PDE8A: variants seen among roughly 807,000 people sequenced by gnomAD.
PDE8A encodes the protein high affinity cAMP-specific and IBMX-insensitive 3',5'-cyclic phosphodiesterase 8A.
PDE8A carries 59 observed loss-of-function variants against 105.0 expected under a neutral mutation model. The observed-to-expected ratio is 0.56, with a 90% CI of 0.46 to 0.70. The LOEUF (loss-of-function observed/expected upper bound fraction) is 0.70, where lower values mean the gene tolerates loss of function less well. Among genes scored for constraint, PDE8A ranks in the 30% least tolerant of loss-of-function variants. The pLI is 0.00. For synonymous variants in PDE8A, 355 were observed against 371.9 expected, an observed-to-expected ratio of 0.95 and a Z score of 0.52; for missense variants, 1,014 against 1,045.9, an observed-to-expected ratio of 0.97 and a Z score of 0.42.
intron 1 of PDE8A, among the ~76,000 whole-genome samples, chr15:84,990,455 T>C (rs2079869703): frequency 2.6e-5 from 4 of 152,234 alleles, no homozygotes. Flanking sequence ...TTTTGCCTAT[T>C]CTAGATTTCA....
chr15:85,043,787 TC>T (rs944826573), intron 1 of PDE8A, among the ~76,000 whole-genome samples: 1 of 152,124 alleles, frequency 6.6e-6, no homozygotes, highest in African/African-American at 2.4e-5. Context: ...AACCTCTGCC[TC>T]CCGGGTTCAG....
chr15:85,116,693 C>CCAGGA (rs1246100695), intron 16 of PDE8A, among the ~76,000 whole-genome samples: 1 of 152,196 alleles, frequency 6.6e-6, no homozygotes, highest in Admixed American at 6.5e-5. Context: ...CTGATTCCAG[C>CCAGGA]CAGGACTGCC....
chr15:85,107,020 A>G (rs1441106694), intron 11 of PDE8A, among the ~76,000 whole-genome samples: 1 of 152,210 alleles, frequency 6.6e-6, no homozygotes, highest in African/African-American at 2.4e-5. Context: ...CCTGCCCTCA[A>G]GTCATTCATG....
At chr15:85,055,629 C>A (rs184292711) in intron 1 of PDE8A, among the ~76,000 whole-genome samples, 123 of 152,274 alleles carry the variant, frequency 8.1e-4, no homozygotes, top group Admixed American at 2.2e-3. Flanking sequence ...ACTAGGATTG[C>A]AACCCCTACT....
At chr15:85,094,735 T>G (rs111979199) in intron 8 of PDE8A, among the ~76,000 whole-genome samples, 7 of 152,310 alleles carry the variant, frequency 4.6e-5, no homozygotes, top group African/African-American at 1.7e-4. Context: ...ACCCCTGTTT[T>G]GAGGGTCCAT....
intron 1 of PDE8A, among the ~76,000 whole-genome samples, chr15:84,995,790 T>A (rs1166924133): frequency 1.3e-5 from 2 of 152,194 alleles, no homozygotes; most frequent in African/African-American, 4.8e-5. Context: ...AATTAAAAAA[T>A]CCCTGAGTGG....
At chr15:85,020,292 C>T (rs2080403361) in intron 1 of PDE8A, among the ~76,000 whole-genome samples, 2 of 152,076 alleles carry the variant, frequency 1.3e-5, no homozygotes, top group Admixed American at 6.5e-5. Flanking sequence ...TCATACTTCT[C>T]ACAGCTCTGG....
At chr15:85,042,585 C>T (rs2080827378) in intron 1 of PDE8A, among the ~76,000 whole-genome samples, 1 of 152,186 alleles carries the variant, frequency 6.6e-6, no homozygotes, top group Non-Finnish European at 1.5e-5. Context: ...AGATAGCTTT[C>T]AGTCTCAAAA....
At chr15:84,998,383 T>C (rs1467248989) in intron 1 of PDE8A, among the ~76,000 whole-genome samples, 1 of 152,244 alleles carries the variant, frequency 6.6e-6, no homozygotes, top group Non-Finnish European at 1.5e-5. Flanking sequence ...GCTCTTCTAA[T>C]TCAGGTTTGC....
chr15:84,998,368 T>C (rs916807837), intron 1 of PDE8A, among the ~76,000 whole-genome samples: 1 of 152,230 alleles, frequency 6.6e-6, no homozygotes, highest in Non-Finnish European at 1.5e-5. Context: ...CCTCAGACTC[T>C]GCATGCTCTT....
chr15:85,129,768 T>C (rs928104472), intron 20 of PDE8A, among the ~76,000 whole-genome samples: 2 of 152,224 alleles, frequency 1.3e-5, no homozygotes, highest in African/African-American at 4.8e-5. Flanking sequence ...CTCCATAACA[T>C]GTTAAGTTAG....
chr15:85,130,150 A>G (rs547128810), intron 20 of PDE8A, among the ~76,000 whole-genome samples: 2 of 152,252 alleles, frequency 1.3e-5, no homozygotes, highest in East Asian at 3.9e-4. Context: ...AGCAGGGGGA[A>G]TTGCCACACT....
intron 1 of PDE8A, among the ~76,000 whole-genome samples, chr15:85,007,041 C>T (rs1262970734): frequency 6.6e-6 from 1 of 152,140 alleles, no homozygotes; most frequent in Non-Finnish European, 1.5e-5. Context: ...GGCCATTCTT[C>T]TGTACATGGG....
At chr15:85,003,122 A>G (rs1159777308) in intron 1 of PDE8A, among the ~76,000 whole-genome samples, 1 of 152,134 alleles carries the variant, frequency 6.6e-6, no homozygotes, top group Non-Finnish European at 1.5e-5. Context: ...AGCTGAAGCC[A>G]GAAGTGGAAT....
Position 85,091,076 on chromosome 15 carries a change from C to A in PDE8A, c.747C>A (p.Gly249=), listed in dbSNP as rs2081634828. 1.2e-6 allele frequency: 2 copies of A among 1,611,648 alleles called. No individual in the cohort carries two copies. Among genetic ancestry groups the A allele is most frequent in the Non-Finnish European group, 8.5e-7 (1 of 1,178,524 alleles). The change falls in exon 8 of 22, where the codon GGC becomes GGA. Residue 249 remains glycine, a synonymous_variant. Transcript: ENST00000394553. ...YANPAFETTM[G]YQSGELIGKE... ...ATCCTGCATTTGAAACAACAATGGG[C>A]TATCAGTCAGGTGAATTAATAGGGA...
At chr15:85,031,072 C>T (rs1365762787) in intron 1 of PDE8A, among the ~76,000 whole-genome samples, 1 of 152,176 alleles carries the variant, frequency 6.6e-6, no homozygotes, top group Non-Finnish European at 1.5e-5. Context: ...TACATCTAAA[C>T]CTGCTGATTA....
At chr15:85,074,224 C>T (rs1393898622) in intron 3 of PDE8A, among the ~76,000 whole-genome samples, 1 of 152,104 alleles carries the variant, frequency 6.6e-6, no homozygotes, top group Non-Finnish European at 1.5e-5. Flanking sequence ...AAATGAAGCC[C>T]GAATCCCTAC....
chr15:84,982,823 G>T (rs1248400979), intron 1 of PDE8A, among the ~76,000 whole-genome samples: 1 of 152,236 alleles, frequency 6.6e-6, no homozygotes, highest in African/African-American at 2.4e-5. Flanking sequence ...TGCACATGCA[G>T]TTGCAGGTTA....
chr15:85,115,242 T>C (rs1047456393), intron 14 of PDE8A, 197 bp from the exon 15 acceptor site: 1 of 528,364 alleles, frequency 1.9e-6, no homozygotes, highest in African/African-American at 2.0e-5. Flanking sequence ...TTCCCAGCAT[T>C]AGCCTGTTGT....
Sources: gnomAD v4.1 joint callset for allele counts (sites outside exome capture counted in the v4.1 genomes callset) on GRCh38, gnomAD v4.1.1 for gene constraint, MANE v1.5 for transcripts, NCBI Gene and HGNC (gene_info 2026-07-23, HGNC 2026-07-21) for gene names.